Variants in BBS9 observed in about 807,000 individuals in gnomAD.
BBS9 encodes Bardet-Biedl syndrome 9.
A neutral mutation model predicts 117.7 loss-of-function variants in BBS9; 89 were observed. The ratio of observed to expected loss-of-function variants is 0.76; its 90% CI spans 0.64 to 0.90. The LOEUF (loss-of-function observed/expected upper bound fraction) is 0.90, where lower values mean the gene tolerates loss of function less well. BBS9 is among the 40% of genes least tolerant of loss of function. The pLI is 0.00. For synonymous variants in BBS9, 379 were observed against 370.9 expected, an observed-to-expected ratio of 1.02 and a Z score of -0.25; for missense variants, 982 against 1,042.2, an observed-to-expected ratio of 0.94 and a Z score of 0.80.
intron 12 of BBS9, among the ~76,000 whole-genome samples, chr7:33,345,438 G>T (rs1285617713): frequency 6.6e-6 from 1 of 152,152 alleles, no homozygotes; most frequent in Non-Finnish European, 1.5e-5. Flanking sequence ...ATTATGGGTT[G>T]CTCTCCTTGG....
intron 21 of BBS9, among the ~76,000 whole-genome samples, chr7:33,541,295 C>A (rs1051323004): frequency 6.6e-6 from 1 of 152,170 alleles, no homozygotes; most frequent in African/African-American, 2.4e-5. Context: ...CTCTCTGTTT[C>A]TCTTACTCTC....
intron 19 of BBS9, among the ~76,000 whole-genome samples, chr7:33,403,606 A>C (rs1389017796): frequency 2.0e-5 from 3 of 151,182 alleles, no homozygotes; most frequent in South Asian, 4.2e-4. Context: ...GAGAATGATG[A>C]TTTCCAATTT....
chr7:33,389,753 C>G (rs528264846), intron 19 of BBS9, among the ~76,000 whole-genome samples: 1 of 142,642 alleles, frequency 7.0e-6, no homozygotes, highest in Non-Finnish European at 1.5e-5. Flanking sequence ...ATTTAAAGGA[C>G]AGTCTATAGT....
chr7:33,512,282 TATAGG>T (rs1262830642), intron 20 of BBS9, among the ~76,000 whole-genome samples: 1 of 152,188 alleles, frequency 6.6e-6, no homozygotes, highest in African/African-American at 2.4e-5. Context: ...TAGAATATAG[TATAGG>T]ATAGAAGTCA....
intron 21 of BBS9, among the ~76,000 whole-genome samples, chr7:33,588,860 T>C (rs1045679895): frequency 6.6e-6 from 1 of 152,078 alleles, no homozygotes; most frequent in East Asian, 1.9e-4. Flanking sequence ...CCTGGTGTGT[T>C]CCAGGGACAG....
intron 19 of BBS9, among the ~76,000 whole-genome samples, chr7:33,395,584 G>T (rs1292462964): frequency 1.3e-5 from 2 of 152,076 alleles, no homozygotes; most frequent in African/African-American, 2.4e-5. Context: ...AGTCATTAAT[G>T]TTCTAGAGAG....
rs534602614 is a variant in BBS9 at position 33,351,177 on chromosome 7, C to T, written c.1433-42C>T. 12 of 1,360,386 alleles carry T rather than the reference C, an allele frequency of 8.8e-6. No individual in the cohort carries two copies. In the South Asian group the frequency reaches 9.4e-5, roughly 11 times the overall value. 84.3% of individuals were successfully genotyped at this position (1,360,386 alleles called of 1,614,324 possible). A position where few individuals can be genotyped will look rare whatever the true frequency, so the allele number is the denominator to read the frequency against. ...TTTTAACTGTTGTTAATAACAGTTG[C>T]CCCAAATTATGTAATTTATATTATT... On this transcript the variant is annotated intron_variant, in intron 13 of 22. Coordinates refer to ENST00000242067, the MANE Select transcript of BBS9 (RefSeq NM_198428.3).
chr7:33,225,587 C>G (rs1791099060), intron 5 of BBS9, among the ~76,000 whole-genome samples: 1 of 152,014 alleles, frequency 6.6e-6, no homozygotes, highest in Non-Finnish European at 1.5e-5. Flanking sequence ...TTTGACATAG[C>G]TTCAGTAGTC....
intron 21 of BBS9, among the ~76,000 whole-genome samples, chr7:33,569,513 T>C (rs1857428537): frequency 6.6e-6 from 1 of 151,642 alleles, no homozygotes; most frequent in Non-Finnish European, 1.5e-5. Context: ...CCCAGCACTT[T>C]GGGAGGCCGA....
Position 33,152,687 on chromosome 7 carries a change from TA to T in BBS9, c.113-11del. The T allele has an allele frequency of 6.3e-7, 1 of 1,599,428 alleles. No homozygotes were observed. Among genetic ancestry groups the T allele is most frequent in the Non-Finnish European group, 8.5e-7 (1 of 1,169,896 alleles). ...GTTTCTCCCTCTATCTTTTTTTTTTTAAATTCTCTACAGATAAAATAATTGT... is the reference window on the plus strand; with the variant it reads ...GTTTCTCCCTCTATCTTTTTTTTTTTAATTCTCTACAGATAAAATAATTGT... On this transcript the variant is annotated splice_polypyrimidine_tract_variant and intron_variant, in intron 2 of 22. Coordinates refer to ENST00000242067, the MANE Select transcript of BBS9 (RefSeq NM_198428.3).
intron 19 of BBS9, among the ~76,000 whole-genome samples, chr7:33,458,525 G>A (rs1454487610): frequency 6.6e-6 from 1 of 152,054 alleles, no homozygotes; most frequent in Non-Finnish European, 1.5e-5. Flanking sequence ...ATCTTTCTCT[G>A]CTTTTTGCTA....
Position 33,436,896 on chromosome 7 carries a change from A to C in BBS9, c.2115+48752A>C, listed in dbSNP as rs1224772907. Among the ~76,000 whole-genome samples the C allele has an allele frequency of 2.6e-5, 4 of 152,248 alleles. No homozygotes were observed. The East Asian group carries it at 7.7e-4, about 29-fold the overall frequency. On this transcript the variant is annotated intron_variant, in intron 19 of 22. Coordinates refer to ENST00000242067, the MANE Select transcript of BBS9 (RefSeq NM_198428.3). ...CATGGAATACTGTATAAAACACATAAGTTATAAAGCATTAGCCATCTGAGA... is the reference window on the plus strand; with the variant it reads ...CATGGAATACTGTATAAAACACATACGTTATAAAGCATTAGCCATCTGAGA...
intron 20 of BBS9, among the ~76,000 whole-genome samples, chr7:33,519,260 C>A (rs1008872993): frequency 3.9e-5 from 6 of 152,108 alleles, no homozygotes; most frequent in African/African-American, 1.4e-4. Flanking sequence ...CATGGTTCTT[C>A]TCTTGTCCTA....
At chr7:33,551,524 T>C (rs1177778491) in intron 21 of BBS9, among the ~76,000 whole-genome samples, 1 of 152,186 alleles carries the variant, frequency 6.6e-6, no homozygotes, top group Non-Finnish European at 1.5e-5. Context: ...TTGTACACTT[T>C]GTACATTATT....
chr7:33,531,982 C>T (rs1209214721), intron 20 of BBS9, among the ~76,000 whole-genome samples: 2 of 152,228 alleles, frequency 1.3e-5, no homozygotes, highest in African/African-American at 2.4e-5. Context: ...TATTTCTTGA[C>T]CATCCTCTGT....
intron 19 of BBS9, among the ~76,000 whole-genome samples, chr7:33,405,292 G>A (rs1829718487): frequency 6.6e-6 from 1 of 152,068 alleles, no homozygotes; most frequent in South Asian, 2.1e-4. Flanking sequence ...CAAGGATATT[G>A]GTCTAAAATT....
intron 21 of BBS9, among the ~76,000 whole-genome samples, chr7:33,561,465 A>C (rs1292080701): frequency 6.6e-6 from 1 of 152,218 alleles, no homozygotes; most frequent in Non-Finnish European, 1.5e-5. Context: ...CCCAAATCGT[A>C]GAGGTAGTAG....
intron 17 of BBS9, among the ~76,000 whole-genome samples, chr7:33,381,395 C>T (rs1196268710): frequency 6.6e-6 from 1 of 152,126 alleles, no homozygotes; most frequent in African/African-American, 2.4e-5. Context: ...CTCTTCTTCC[C>T]TTATTCCTGA....
chr7:33,299,182 A>G (rs148674678), intron 9 of BBS9, among the ~76,000 whole-genome samples: 189 of 152,324 alleles, frequency 1.2e-3, no homozygotes, highest in African/African-American at 4.3e-3. Flanking sequence ...AATTGCATGC[A>G]TACTAAGACT....
Sources: gnomAD v4.1 joint callset for allele counts (sites outside exome capture counted in the v4.1 genomes callset) on GRCh38, gnomAD v4.1.1 for gene constraint, MANE v1.5 for transcripts, NCBI Gene and HGNC (gene_info 2026-07-23, HGNC 2026-07-21) for gene names.